MAX: variants seen among roughly 807,000 people sequenced by gnomAD.
The protein encoded by MAX is protein max.
MAX carries 3 observed loss-of-function variants against 22.3 expected under a neutral mutation model. The ratio of observed to expected loss-of-function variants is 0.13; its 90% CI spans 0.06 to 0.35. The LOEUF (loss-of-function observed/expected upper bound fraction) is 0.35, where lower values mean the gene tolerates loss of function less well. Ranked by LOEUF, MAX falls within the 10% of genes least tolerant of loss-of-function variation. The probability of loss-of-function intolerance (pLI) is 1.00; values close to 1 mark genes in which losing one functional copy is unlikely to be tolerated. For missense variants in MAX, 119 were observed against 209.4 expected (o/e 0.57, Z 2.66); for synonymous variants, 72 against 77.7 (o/e 0.93, Z 0.39).
At chr14:65,041,041 C>G in intron 3 of MAX, 2 of 1,447,610 alleles carry the variant, frequency 1.4e-6, no homozygotes, top group Non-Finnish European at 1.9e-6. Context: ...AGCTCTGTTC[C>G]AACACAGAGG....
rs2062685769 is a variant in MAX at position 65,054,516 on chromosome 14, A to G, written c.171+39192T>C. The stretch of plus-strand genomic sequence containing the variant: ...CAGTGGTCTCTGAATTGGTGTGGCT[A>G]CATTTGTAGATGTGTGCGGAGCAGA... On this transcript the variant is annotated intron_variant, in intron 3 of 3. Coordinates refer to the MAX transcript ENST00000341653. The surrounding 1 kb of genome is among the most constrained non-coding windows in gnomAD (Gnocchi z 4.4). 6 of 1,528,712 alleles carry G rather than the reference A, an allele frequency of 3.9e-6. No individual in the cohort carries two copies. In the South Asian group the frequency reaches 7.1e-5, roughly 18 times the overall value. 94.7% of individuals were successfully genotyped at this position (1,528,712 alleles called of 1,614,324 possible).
Position 65,029,022 on chromosome 14 carries a change from T to C in MAX, c.172-22738A>G, listed in dbSNP as rs575261263. Among the ~76,000 whole-genome samples, 239 of 152,340 alleles carry C rather than the reference T, an allele frequency of 1.6e-3. No homozygotes were observed. Among genetic ancestry groups the C allele is most frequent in the Non-Finnish European group, 2.1e-3 (146 of 68,040 alleles). On this transcript the variant is annotated intron_variant, in intron 3 of 3. Transcript: ENST00000341653. This position sits in a 1 kb window ranked among gnomAD's most constrained non-coding sequence, Gnocchi z 4.7. ...CTTATTCATTCCAGCACTTTTTTTTTCCCTATGCTCTTTATTTATATGTTC... is the reference window on the plus strand; with the variant it reads ...CTTATTCATTCCAGCACTTTTTTTTCCCCTATGCTCTTTATTTATATGTTC...
At position 65,012,653 on chromosome 14, in the gene MAX, G is replaced by A. The variant is rs1291366586; in HGVS notation, c.172-6369C>T. 1.3e-5 allele frequency among the ~76,000 whole-genome samples: 2 copies of A among 152,244 alleles called. No individual in the cohort carries two copies. The highest frequency in any genetic ancestry group is 2.9e-5 in the Non-Finnish European group (2 of 68,028). Reference sequence around the variant, plus strand: ...ACTAGATGATGACTAAGGGGTTCACGTGCTTTATCTAGACCTCCTTGACAG... The same window carrying A: ...ACTAGATGATGACTAAGGGGTTCACATGCTTTATCTAGACCTCCTTGACAG... On this transcript the variant is annotated intron_variant, in intron 3 of 3. Coordinates refer to the MAX transcript ENST00000341653. This position sits in a 1 kb window ranked among gnomAD's most constrained non-coding sequence, Gnocchi z 5.0.
At chr14:65,037,795 T>G (rs1403907003) in intron 3 of MAX, among the ~76,000 whole-genome samples, 2 of 137,796 alleles carry the variant, frequency 1.5e-5, no homozygotes, top group South Asian at 2.3e-4. Flanking sequence ...TTTATTTATT[T>G]ATTGAGATGG....
At chr14:65,083,870 G>A (rs2063256473) in intron 3 of MAX, 1 of 1,247,036 alleles carries the variant, frequency 8.0e-7, no homozygotes. Flanking sequence ...CTAAACTGGT[G>A]TACATTTCCA....
intron 3 of MAX, among the ~76,000 whole-genome samples, chr14:65,050,454 G>A (rs1425617371): frequency 6.6e-6 from 1 of 152,142 alleles, no homozygotes; most frequent in Non-Finnish European, 1.5e-5. Flanking sequence ...AGCCAGGCGT[G>A]GGGGCTTGTA....
rs2062073236 is a variant in MAX at position 65,031,155 on chromosome 14, C to A, written c.172-24871G>T. On this transcript the variant is annotated intron_variant, in intron 3 of 3. Transcript: ENST00000341653. The surrounding 1 kb of genome is among the most constrained non-coding windows in gnomAD (Gnocchi z 4.6). ...ATTCAAACCAATGATTTTTGTCTTC[C>A]CTGTGCCGGGTATTTGAAAAAACCA... Among the ~76,000 whole-genome samples the A allele has an allele frequency of 6.6e-6, 1 of 151,790 alleles. No homozygotes were observed. Among genetic ancestry groups the A allele is most frequent in the Non-Finnish European group, 1.5e-5 (1 of 67,960 alleles).
chr14:65,082,774 A>T lies in MAX; in HGVS notation c.172-4738T>A, dbSNP rs1303314989. Among the ~76,000 whole-genome samples, 1 of 152,208 alleles carries T rather than the reference A, an allele frequency of 6.6e-6. No homozygotes were observed. The highest frequency in any genetic ancestry group is 1.9e-4 in the East Asian group (1 of 5,202). On this transcript the variant is annotated intron_variant, in intron 3 of 4. Coordinates refer to ENST00000358664, the MANE Select transcript of MAX (RefSeq NM_002382.5). The surrounding 1 kb of genome is among the most constrained non-coding windows in gnomAD (Gnocchi z 4.8). ...AAGAGTGAGACCCTGTATAAAAAAA[A>T]AAAAGTGAAAAATGGTAGTTTGTAA...
intron 3 of MAX, among the ~76,000 whole-genome samples, chr14:65,052,861 C>T (rs189880430): frequency 1.3e-5 from 2 of 152,264 alleles, no homozygotes; most frequent in Admixed American, 1.3e-4. Flanking sequence ...GAGGGAATGT[C>T]TCTTGAAGTC....
Position 65,076,461 on chromosome 14 carries a change from C to A in MAX, c.*15G>T. On this transcript the variant is annotated 3_prime_UTR_variant, in exon 5 of 5. Coordinates refer to ENST00000358664, the MANE Select transcript of MAX (RefSeq NM_002382.5). This position sits in a 1 kb window ranked among gnomAD's most constrained non-coding sequence, Gnocchi z 6.6. ...GGAGACAGACAGTTTTTATTGCTGG[C>A]CTGCCCCGAGTGGCTTAGCTGGCCT... The A allele has an allele frequency of 6.2e-7, 1 of 1,612,754 alleles. No individual in the cohort carries two copies. Among genetic ancestry groups the A allele is most frequent in the Non-Finnish European group, 8.5e-7 (1 of 1,180,012 alleles).
intron 3 of MAX, among the ~76,000 whole-genome samples, chr14:65,092,177 A>C (rs2063527734): frequency 1.3e-5 from 2 of 152,224 alleles, no homozygotes; most frequent in Admixed American, 1.3e-4. Flanking sequence ...ATTCAAACTT[A>C]AGAATGCCTA....
rs1233514850 is a variant in MAX, at chr14:65,054,204, T to C, written c.171+39504A>G. Among the ~76,000 whole-genome samples the C allele has an allele frequency of 1.3e-5, 2 of 152,044 alleles. No individual in the cohort carries two copies. The highest frequency in any genetic ancestry group is 2.9e-5 in the Non-Finnish European group (2 of 68,018). ...CATGACTCACTGCAGCCTTCACCTCTTGGGCTCGAGTGATCCTCCTGCTTC... is the reference window on the plus strand; with the variant it reads ...CATGACTCACTGCAGCCTTCACCTCCTGGGCTCGAGTGATCCTCCTGCTTC... On this transcript the variant is annotated intron_variant, in intron 3 of 3. Transcript: ENST00000341653. The surrounding 1 kb of genome is among the most constrained non-coding windows in gnomAD (Gnocchi z 4.4).
chr14:65,057,478 T>G (rs1315311686), intron 3 of MAX, among the ~76,000 whole-genome samples: 1 of 152,164 alleles, frequency 6.6e-6, no homozygotes, highest in Non-Finnish European at 1.5e-5. Context: ...TCAAATCTAT[T>G]TGTCTTTTCT....
At position 65,075,576 on chromosome 14, in the gene MAX, C is replaced by T. The variant is rs1182107752; in HGVS notation, c.*900G>A. 2.8e-6 allele frequency: 3 copies of T among 1,066,106 alleles called. No homozygotes were observed. The highest frequency in any genetic ancestry group is 3.4e-6 in the Non-Finnish European group (3 of 879,620). The allele number at this position is 1,066,106 out of a possible 1,614,324, so 66.0% of individuals were successfully genotyped here. A position where few individuals can be genotyped will look rare whatever the true frequency, so the allele number is the denominator to read the frequency against. ...TCATCATTACTTTATGAATCTGTCG[C>T]TTTGCAAGACCGACATCATCAGAAA... On this transcript the variant is annotated 3_prime_UTR_variant, in exon 5 of 5. Coordinates refer to ENST00000358664, the MANE Select transcript of MAX (RefSeq NM_002382.5). This position sits in a 1 kb window ranked among gnomAD's most constrained non-coding sequence, Gnocchi z 4.1.
chr14:65,031,004 C>T lies in MAX; in HGVS notation c.172-24720G>A, dbSNP rs112379859. 0.039 allele frequency among the ~76,000 whole-genome samples: 5,946 copies of T among 151,988 alleles called. 175 individuals carry two copies. Among genetic ancestry groups the T allele is most frequent in the Middle Eastern group, 0.075 (22 of 294 alleles). ...TGTATTTTTAGTAGAGACGAGGTCT[C>T]ACCATGTTGGCCAGGCTAGTCTCGA... On this transcript the variant is annotated intron_variant, in intron 3 of 3. Transcript: ENST00000341653. This position sits in a 1 kb window ranked among gnomAD's most constrained non-coding sequence, Gnocchi z 4.6.
rs910305773 is a variant in MAX at position 65,102,485 on chromosome 14, A to T, written c.-146T>A. The T allele has an allele frequency of 1.3e-6, 2 of 1,501,944 alleles. No individual in the cohort carries two copies. The highest frequency in any genetic ancestry group is 2.8e-5 in the African/African-American group (2 of 72,412). The allele number at this position is 1,501,944 out of a possible 1,614,324, so 93.0% of individuals were successfully genotyped here. A position where few individuals can be genotyped will look rare whatever the true frequency, so the allele number is the denominator to read the frequency against. On this transcript the variant is annotated 5_prime_UTR_variant, in exon 1 of 5. Coordinates refer to ENST00000358664, the MANE Select transcript of MAX (RefSeq NM_002382.5). ...CTCACTCGCTCTCTCACTCACACACACACACAACACGGGCAAGAACCACCT... is the reference window on the plus strand; with the variant it reads ...CTCACTCGCTCTCTCACTCACACACTCACACAACACGGGCAAGAACCACCT...
intron 1 of MAX, 122 bp downstream of exon 1, chr14:65,102,182 C>T (rs2063866974): frequency 6.5e-7 from 1 of 1,542,536 alleles, no homozygotes. Context: ...ACTCCTGGCC[C>T]CGAGGGGAAG....
In MAX at chr14:65,027,663, C is replaced by G; in HGVS notation, c.172-21379G>C. 6.2e-7 allele frequency: 1 copy of G among 1,614,136 alleles called. No homozygotes were observed. The highest frequency in any genetic ancestry group is 8.5e-7 in the Non-Finnish European group (1 of 1,179,996). On this transcript the variant is annotated intron_variant, in intron 3 of 3. Coordinates refer to the MAX transcript ENST00000341653. The surrounding 1 kb of genome is among the most constrained non-coding windows in gnomAD (Gnocchi z 5.7). ...TTCCCCGCCTGCTGACACGCACTGACTGTTGCCTCTCCTACCTCTTTCCCT... is the reference window on the plus strand; with the variant it reads ...TTCCCCGCCTGCTGACACGCACTGAGTGTTGCCTCTCCTACCTCTTTCCCT...
chr14:65,075,950 T>C lies in MAX; in HGVS notation c.*526A>G. On this transcript the variant is annotated 3_prime_UTR_variant, in exon 5 of 5. Coordinates refer to ENST00000358664, the MANE Select transcript of MAX (RefSeq NM_002382.5). This position sits in a 1 kb window ranked among gnomAD's most constrained non-coding sequence, Gnocchi z 4.1. ...TTTCAATAGGAGCGATACATAGCTTTTTAGAAAAAGGAAAAAAAAAAAACC... is the reference window on the plus strand; with the variant it reads ...TTTCAATAGGAGCGATACATAGCTTCTTAGAAAAAGGAAAAAAAAAAAACC... 1 of 1,074,718 alleles carries C rather than the reference T, an allele frequency of 9.3e-7. No homozygotes were observed. The allele number at this position is 1,074,718 out of a possible 1,614,324, so 66.6% of individuals were successfully genotyped here. A position where few individuals can be genotyped will look rare whatever the true frequency, so the allele number is the denominator to read the frequency against.
Sources: allele counts gnomAD v4.1 joint callset (sites outside exome capture counted in the v4.1 genomes callset), GRCh38; gene constraint gnomAD v4.1.1; non-coding constraint Gnocchi (gnomAD v3.1); transcripts MANE v1.5; gene names NCBI Gene and HGNC (gene_info 2026-07-23, HGNC 2026-07-21).